The following MAT2B variants were observed in gnomAD, a reference collection of about 807,000 sequenced individuals.
MAT2B encodes the protein methionine adenosyltransferase 2 subunit beta.
MAT2B carries 16 observed loss-of-function variants against 36.1 expected under a neutral mutation model. The observed-to-expected ratio is 0.44, with a 90% CI of 0.30 to 0.67. The LOEUF is 0.67. MAT2B is among the 30% of genes least tolerant of loss of function. The pLI is 0.09. For synonymous variants in MAT2B, 148 were observed against 136.9 expected, an observed-to-expected ratio of 1.08 and a Z score of -0.57; for missense variants, 332 against 398.2, an observed-to-expected ratio of 0.83 and a Z score of 1.42.
At chr5:163,510,512 C>T (rs543313596) in intron 1 of MAT2B, among the ~76,000 whole-genome samples, 11 of 151,138 alleles carry the variant, frequency 7.3e-5, no homozygotes, top group African/African-American at 2.2e-4. Flanking sequence ...TCTCCCGCCT[C>T]GCCTCCCGAG....
intron 5 of MAT2B, chr5:163,517,334 T>C (rs17061797): frequency 0.11 from 29,758 of 281,766 alleles, 1,704 homozygotes; most frequent in South Asian, 0.14. Context: ...GAGCCTTTTT[T>C]TGATTTTAAA....
chr5:163,503,563 C>A, upstream of MAT2B: 1 of 827,302 alleles, frequency 1.2e-6, no homozygotes, highest in South Asian at 1.6e-5. Flanking sequence ...TAAAACATAA[C>A]CTCGGGACAT....
At chr5:163,506,976 GGTT>G (rs1400971112) in intron 1 of MAT2B, among the ~76,000 whole-genome samples, 1 of 152,168 alleles carries the variant, frequency 6.6e-6, no homozygotes, top group East Asian at 1.9e-4. Flanking sequence ...ATCCTGGAGT[GGTT>G]GTTGTTAGTA....
At chr5:163,505,437 T>C, upstream of MAT2B, 2 of 961,288 alleles carry the variant, frequency 2.1e-6, no homozygotes, top group Non-Finnish European at 2.7e-6. Flanking sequence ...TCAGGGCCTT[T>C]CTTTTGTGTG....
At chr5:163,517,525 T>C (rs759308586) in intron 5 of MAT2B, 36 bp from the exon 6 acceptor site, 2 of 1,318,668 alleles carry the variant, frequency 1.5e-6, no homozygotes, top group East Asian at 4.6e-5. Context: ...GCTCAAAAAG[T>C]TGAAACTATT....
intron 1 of MAT2B, among the ~76,000 whole-genome samples, chr5:163,510,091 A>T (rs1455115569): frequency 6.6e-6 from 1 of 152,162 alleles, no homozygotes; most frequent in Non-Finnish European, 1.5e-5. Flanking sequence ...TGGTTATTGT[A>T]TATGTATTTA....
chr5:163,512,989 TGGTTGTTTTATTTTCAGACAG>T (rs889760386), intron 2 of MAT2B: 1 of 213,046 alleles, frequency 4.7e-6, no homozygotes, highest in African/African-American at 2.4e-5. Context: ...CCTAGAAACA[TGGTTGTTTTATTTTCAGACAG>T]GGTCTCACTC....
intron 5 of MAT2B, chr5:163,516,981 A>G (rs1760143269): frequency 1.8e-6 from 1 of 558,304 alleles, no homozygotes; most frequent in Admixed American, 3.3e-5. Context: ...ATAATCATCT[A>G]AGGTCTTTTA....
At chr5:163,517,039 C>T (rs1760144302) in intron 5 of MAT2B, 2 of 422,492 alleles carry the variant, frequency 4.7e-6, no homozygotes, top group South Asian at 5.8e-5. Flanking sequence ...ACCTGTAATC[C>T]CAGCACATTT....
In MAT2B at chr5:163,516,503, T is replaced by C; in HGVS notation, c.527-15T>C. The C allele has an allele frequency of 6.2e-7, 1 of 1,609,070 alleles. No homozygotes were observed. On this transcript the variant is annotated splice_polypyrimidine_tract_variant and intron_variant, in intron 4 of 6. Transcript: ENST00000321757. The stretch of plus-strand genomic sequence containing the variant: ...ATCAGTCAGCTTTAAATTATTTGCT[T>C]TTATTCTTCTCTAGGAGCTGCTGTT...
Position 163,518,221 on chromosome 5 carries a change from A to C in MAT2B, c.863A>C (p.Gln288Pro). 6.2e-7 allele frequency: 1 copy of C among 1,611,964 alleles called. No homozygotes were observed. Among genetic ancestry groups the C allele is most frequent in the Non-Finnish European group, 8.5e-7 (1 of 1,179,306 alleles). The change falls in exon 7 of 7, where the codon CAA (glutamine) becomes CCA (proline). Residue 288 changes from glutamine to proline, a missense_variant. By Grantham distance (76) the Gln-to-Pro change is moderately conservative. Coordinates refer to ENST00000321757, the MANE Select transcript of MAT2B (RefSeq NM_013283.5). ...ACTGACAGCCCTGTCCTAGGAGCAC[A>C]ACGTCCGAGAAATGCTCAGCTTGAC... ...PITDSPVLGA[Q>P]RPRNAQLDCS...
chr5:163,512,270 GCTCT>G, intron 2 of MAT2B, 74 bp downstream of exon 2: 2 of 1,285,716 alleles, frequency 1.6e-6, no homozygotes, highest in Non-Finnish European at 2.3e-6. Flanking sequence ...AACTATCCTT[GCTCT>G]CAAGGAAATT....
intron 2 of MAT2B, chr5:163,512,570 C>G (rs1172792833): frequency 2.1e-5 from 8 of 389,996 alleles, no homozygotes; most frequent in African/African-American, 1.7e-4. Flanking sequence ...ATACTATTCT[C>G]CCTTTGACAT....
intron 4 of MAT2B, among the ~76,000 whole-genome samples, chr5:163,514,900 T>A (rs1351544870): frequency 6.6e-6 from 1 of 152,190 alleles, no homozygotes; most frequent in Non-Finnish European, 1.5e-5. Context: ...TACCAACAAC[T>A]CAGTAATTTA....
intron 2 of MAT2B, chr5:163,512,408 T>C (rs1296747658): frequency 2.4e-5 from 14 of 579,966 alleles, no homozygotes; most frequent in Non-Finnish European, 4.0e-5. Flanking sequence ...TGAGACATTT[T>C]ATAAAATGCT....
chr5:163,517,460 T>A (rs112099974), intron 5 of MAT2B, 101 bp from the exon 6 acceptor site: 21 of 597,064 alleles, frequency 3.5e-5, no homozygotes, highest in African/African-American at 2.4e-4. Context: ...AGGGTTGCCT[T>A]TTAGTTCCTG....
chr5:163,508,535 G>T (rs967236761), intron 1 of MAT2B, among the ~76,000 whole-genome samples: 14 of 152,000 alleles, frequency 9.2e-5, no homozygotes, highest in Admixed American at 9.2e-4. Context: ...CTGGCACCCG[G>T]CCTCAAACTG....
rs562634811 is a variant in MAT2B, at chr5:163,509,062, A to G, written c.64-2940A>G. 2.6e-5 allele frequency among the ~76,000 whole-genome samples: 4 copies of G among 152,274 alleles called. No homozygotes were observed. In the South Asian group the frequency reaches 8.3e-4, roughly 32 times the overall value. On this transcript the variant is annotated intron_variant, in intron 1 of 6. Coordinates refer to ENST00000321757, the MANE Select transcript of MAT2B (RefSeq NM_013283.5). ...TGTTCTTCTCTATACTTAATACTGC[A>G]TCAACTCCAAGAAGCTCTTAATTAA...
chr5:163,503,538 T>C (rs761170739), upstream of MAT2B: 1 of 972,936 alleles, frequency 1.0e-6, no homozygotes, highest in Non-Finnish European at 1.6e-6. Flanking sequence ...TAGAAACGGG[T>C]GTCATTCATT....
Sources: gnomAD v4.1 joint callset for allele counts (sites outside exome capture counted in the v4.1 genomes callset) on GRCh38, gnomAD v4.1.1 for gene constraint, MANE v1.5 for transcripts, NCBI Gene and HGNC (gene_info 2026-07-23, HGNC 2026-07-21) for gene names.